MYO18B: variants seen among roughly 807,000 people sequenced by gnomAD.
MYO18B encodes the protein unconventional myosin-XVIIIb.
Under a neutral mutation model 273.0 loss-of-function variants are expected in MYO18B, and 204 were observed. The ratio of observed to expected loss-of-function variants is 0.75; its 90% confidence interval spans 0.67 to 0.84. MYO18B has a LOEUF of 0.84. MYO18B is among the 40% of genes least tolerant of loss of function. MYO18B has a pLI of 0.00. For missense variants in MYO18B, 3,212 were observed against 3,287.6 expected (o/e 0.98, Z 0.56); for synonymous variants, 1,330 against 1,305.7 (o/e 1.02, Z -0.40).
chr22:25,952,238 T>A, intron 37 of MYO18B, 48 bp from the exon 38 acceptor site: 1 of 1,590,408 alleles, frequency 6.3e-7, no homozygotes, highest in Non-Finnish European at 8.6e-7. Context: ...GTCTCTGTCC[T>A]GGTATCAGGG....
At chr22:25,866,855 A>G (rs1213845959) in intron 21 of MYO18B, among the ~76,000 whole-genome samples, 2 of 151,466 alleles carry the variant, frequency 1.3e-5, no homozygotes, top group East Asian at 3.9e-4. Flanking sequence ...CTCCTCTGCC[A>G]TAATGTAGAT....
rs557988268 is a variant in MYO18B at position 25,751,102 on chromosome 22, G to A, written c.-110+8809G>A. On this transcript the variant is annotated intron_variant, in intron 1 of 43. Coordinates refer to ENST00000335473, the MANE Select transcript of MYO18B (RefSeq NM_032608.7). ...CTCAGAGAATCCACCTCTTCGGATG[G>A]AAAGAGTAAATGATGTGATCTACTT... Among the ~76,000 whole-genome samples, 85 of 152,346 alleles carry A rather than the reference G, an allele frequency of 5.6e-4. 1 individual carries two copies. In the South Asian group the frequency reaches 0.017, roughly 30 times the overall value.
the MYO18B span, among the ~76,000 whole-genome samples, chr22:26,049,337 G>C: frequency 6.6e-6 from 1 of 152,222 alleles, no homozygotes; most frequent in Non-Finnish European, 1.5e-5. Context: ...TTTAATTTCA[G>C]TGCAATTGCT....
the MYO18B span, among the ~76,000 whole-genome samples, chr22:26,051,663 G>A: frequency 3.3e-5 from 5 of 152,162 alleles, no homozygotes; most frequent in East Asian, 1.9e-4. Flanking sequence ...TGTTTCCTTC[G>A]TACTTCTACT....
At chr22:25,969,401 C>A (rs543274916) in intron 39 of MYO18B, among the ~76,000 whole-genome samples, 4 of 152,346 alleles carry the variant, frequency 2.6e-5, no homozygotes, top group African/African-American at 9.6e-5. Context: ...GCCCCTGAGG[C>A]AGCACCATAA....
chr22:25,916,458 A>G (rs558264910), intron 33 of MYO18B, among the ~76,000 whole-genome samples: 1 of 152,066 alleles, frequency 6.6e-6, no homozygotes, highest in Admixed American at 6.5e-5. Flanking sequence ...TTTCTTTAAG[A>G]TAATACATTT....
In MYO18B at chr22:25,811,241, T is replaced by G. The variant is rs1479520816; in HGVS notation, c.2522-12264T>G. Among the ~76,000 whole-genome samples the G allele has an allele frequency of 2.0e-5, 3 of 151,934 alleles. No individual in the cohort carries two copies. In the East Asian group the frequency reaches 5.8e-4, roughly 29 times the overall value. ...TTTCACCATGTTGGTCAGGTTGGTC[T>G]TGAACTCCTGACCTCAGGTAATCCT... On this transcript the variant is annotated intron_variant, in intron 12 of 43. Coordinates refer to ENST00000335473, the MANE Select transcript of MYO18B (RefSeq NM_032608.7).
chr22:25,955,277 C>T lies in MYO18B; in HGVS notation c.6069C>T (p.Tyr2023=). Residue 2023 remains tyrosine (Y), a synonymous_variant, in exon 39 of 44, where the codon TAC becomes TAT. Coordinates refer to ENST00000335473, the MANE Select transcript of MYO18B (RefSeq NM_032608.7). ...SESQQRESSQ[Y]YQRRLEELKA... ...CCCAGCAGCGGGAGAGCAGCCAGTA[C>T]TACCAGCGGCGCCTGGAAGAGCTGA... 6.2e-7 allele frequency: 1 copy of T among 1,613,844 alleles called. No homozygotes were observed. Among genetic ancestry groups the T allele is most frequent in the South Asian group, 1.1e-5 (1 of 91,034 alleles).
At chr22:25,866,767 A>G (rs117609477) in intron 21 of MYO18B, among the ~76,000 whole-genome samples, 5,737 of 143,430 alleles carry the variant, frequency 0.04, 164 homozygotes, top group East Asian at 0.13. Context: ...GCCTGGTGAC[A>G]GAGCGAGACT....
intron 22 of MYO18B, among the ~76,000 whole-genome samples, chr22:25,872,914 G>T (rs1010398384): frequency 3.3e-5 from 5 of 152,178 alleles, no homozygotes; most frequent in Non-Finnish European, 5.9e-5. Flanking sequence ...AAACACATGG[G>T]ACTCTTTTTA....
intron 39 of MYO18B, among the ~76,000 whole-genome samples, chr22:25,981,622 G>A (rs1400240142): frequency 6.6e-6 from 1 of 152,220 alleles, no homozygotes; most frequent in African/African-American, 2.4e-5. Flanking sequence ...GTACATGCCT[G>A]TAGTCCCAGG....
chr22:26,002,858 T>G (rs1009571973), intron 40 of MYO18B, among the ~76,000 whole-genome samples: 1 of 152,194 alleles, frequency 6.6e-6, no homozygotes. Flanking sequence ...CCTGGGAAGC[T>G]GCCCTGCTCC....
the MYO18B span, among the ~76,000 whole-genome samples, chr22:26,040,237 A>T: frequency 6.6e-6 from 1 of 151,886 alleles, no homozygotes. Flanking sequence ...TAAAGATAAC[A>T]TTTTCTTTAT....
chr22:25,913,592 T>C (rs936004059), intron 33 of MYO18B, among the ~76,000 whole-genome samples: 3 of 152,182 alleles, frequency 2.0e-5, no homozygotes, highest in Admixed American at 1.3e-4. Context: ...ATGGTTTCGA[T>C]CTCGTGACCT....
chr22:25,812,732 G>A (rs1024706623), intron 12 of MYO18B, among the ~76,000 whole-genome samples: 3 of 152,146 alleles, frequency 2.0e-5, no homozygotes, highest in Non-Finnish European at 4.4e-5. Context: ...TTGCCCACTT[G>A]GCCCTAAGAG....
At chr22:26,012,613 A>C (rs144943874) in intron 42 of MYO18B, among the ~76,000 whole-genome samples, 1 of 152,314 alleles carries the variant, frequency 6.6e-6, no homozygotes, top group Non-Finnish European at 1.5e-5. Flanking sequence ...TATCCTTAGG[A>C]CCCAAATCCC....
intron 12 of MYO18B, among the ~76,000 whole-genome samples, chr22:25,802,775 A>C (rs6004768): frequency 0.012 from 1,771 of 149,694 alleles, 49 homozygotes; most frequent in East Asian, 0.071. Context: ...AAAAAAAAAA[A>C]ACCCCTATAG....
At chr22:25,969,840 C>T (rs1256579077) in intron 39 of MYO18B, among the ~76,000 whole-genome samples, 1 of 152,230 alleles carries the variant, frequency 6.6e-6, no homozygotes, top group Non-Finnish European at 1.5e-5. Flanking sequence ...TGCTTCACAG[C>T]ATTGTGGGGA....
chr22:25,898,211 A>G (rs2091852746), intron 28 of MYO18B, 96 bp from the exon 29 acceptor site: 2 of 1,408,782 alleles, frequency 1.4e-6, no homozygotes, highest in Non-Finnish European at 1.9e-6. Context: ...CTGTTTTCTC[A>G]TTACACACCT....
Sources: allele counts gnomAD v4.1 joint callset (sites outside exome capture counted in the v4.1 genomes callset), GRCh38; gene constraint gnomAD v4.1.1; transcripts MANE v1.5; gene names NCBI Gene and HGNC (gene_info 2026-07-23, HGNC 2026-07-21).